Variants in TASOR2 observed in about 807,000 individuals in gnomAD.
The protein encoded by TASOR2 is transcription activation suppressor family member 2, also known as protein TASOR 2.
TASOR2 carries 84 observed loss-of-function variants against 199.5 expected under a neutral mutation model. The observed-to-expected ratio is 0.42, with a 90% confidence interval of 0.35 to 0.50. TASOR2 has a LOEUF of 0.50. Ranked by LOEUF, TASOR2 falls within the 20% of genes least tolerant of loss-of-function variation. TASOR2 has a pLI of 0.02. For missense variants in TASOR2, 2,796 were observed against 2,835.9 expected, an observed-to-expected ratio of 0.99 and a Z score of 0.32; for synonymous variants, 1,103 against 1,046.6, an observed-to-expected ratio of 1.05 and a Z score of -1.04.
At chr10:5,759,125 T>C (rs959080723) in intron 18 of TASOR2, 133 bp downstream of exon 19, 1 of 638,968 alleles carries the variant, frequency 1.6e-6, no homozygotes, top group African/African-American at 1.8e-5. Flanking sequence ...GGCTGCTGGC[T>C]CTGTATTCAA....
At chr10:5,709,530 C>T in intron 1 of TASOR2, 5 of 1,230,088 alleles carry the variant, frequency 4.1e-6, no homozygotes, top group Non-Finnish European at 5.1e-6. Context: ...TTCATTTTAG[C>T]ATTTATGACA....
At chr10:5,728,648 T>C (rs1407668010) in intron 10 of TASOR2, among the ~76,000 whole-genome samples, 1 of 152,108 alleles carries the variant, frequency 6.6e-6, no homozygotes, top group Non-Finnish European at 1.5e-5. Flanking sequence ...TTCAGTTACT[T>C]GAAGCAGAAC....
intron 1 of TASOR2, among the ~76,000 whole-genome samples, chr10:5,700,865 T>C (rs1037303311): frequency 1.3e-5 from 2 of 152,082 alleles, no homozygotes; most frequent in African/African-American, 2.4e-5. Context: ...TTGAGCTCCT[T>C]ATATATTCTG....
intron 2 of TASOR2, among the ~76,000 whole-genome samples, chr10:5,715,848 G>T (rs1832559548): frequency 6.6e-6 from 1 of 152,052 alleles, no homozygotes; most frequent in African/African-American, 2.4e-5. Flanking sequence ...TCACCATGTT[G>T]GCCAGGATGG....
intron 1 of TASOR2, among the ~76,000 whole-genome samples, chr10:5,686,264 T>C (rs538388556): frequency 6.6e-6 from 1 of 152,344 alleles, no homozygotes; most frequent in Non-Finnish European, 1.5e-5. Flanking sequence ...CTAATTTTTT[T>C]AAAGGGAGAT....
intron 1 of TASOR2, among the ~76,000 whole-genome samples, chr10:5,705,484 CTT>C (rs1838458515): frequency 6.6e-6 from 1 of 152,138 alleles, no homozygotes; most frequent in South Asian, 2.1e-4. Context: ...GTTTTATTCT[CTT>C]GGGTAAATAT....
At chr10:5,700,706 C>T (rs934464981) in intron 1 of TASOR2, among the ~76,000 whole-genome samples, 1 of 151,984 alleles carries the variant, frequency 6.6e-6, no homozygotes, top group East Asian at 1.9e-4. Context: ...TTTTCATACA[C>T]CTCTTGGCCA....
intron 1 of TASOR2, among the ~76,000 whole-genome samples, chr10:5,700,319 T>C (rs73610574): frequency 0.041 from 6,258 of 152,254 alleles, 172 homozygotes; most frequent in African/African-American, 0.078. Context: ...TACTACATTT[T>C]CTTTATTCAT....
chr10:5,747,833 A>G (rs1422851989), exon 15 of TASOR2: 30 of 1,613,760 alleles, frequency 1.9e-5, no homozygotes, highest in Admixed American at 3.3e-5. Flanking sequence ...ACCCAGGTAC[A>G]ACAAATGCAG....
chr10:5,728,223 A>C (rs77652107), intron 10 of TASOR2, among the ~76,000 whole-genome samples: 1 of 35,398 alleles, frequency 2.8e-5, no homozygotes, highest in African/African-American at 7.2e-5. Context: ...CCTGTTTCAA[A>C]AAAAAAAAAA....
intron 1 of TASOR2, chr10:5,709,575 G>T: frequency 8.1e-7 from 1 of 1,230,660 alleles, no homozygotes; most frequent in Non-Finnish European, 1.0e-6. Context: ...AGAATTCTGA[G>T]GGTATACTTG....
chr10:5,754,164 G>C lies in TASOR2; in HGVS notation c.6607-2449G>C, dbSNP rs1297688540. Among the ~76,000 whole-genome samples the C allele has an allele frequency of 6.6e-6, 1 of 152,074 alleles. No individual in the cohort carries two copies. Among genetic ancestry groups the C allele is most frequent in the Non-Finnish European group, 1.5e-5 (1 of 68,020 alleles). ...TACTAAAAATAAAAAAATTAGCCGG[G>C]TGTGGCGGCGCGCGCTTGTGGTACT... On this transcript the variant is annotated intron_variant, in intron 15 of 20. Coordinates refer to ENST00000328090, the Ensembl canonical transcript of TASOR2. The surrounding 1 kb of genome is among the most constrained non-coding windows in gnomAD (Gnocchi z 4.3).
chr10:5,732,812 A>T (rs1016883785), intron 11 of TASOR2, among the ~76,000 whole-genome samples: 1 of 152,230 alleles, frequency 6.6e-6, no homozygotes, highest in Admixed American at 6.5e-5. Flanking sequence ...TGTTGGGATT[A>T]CAGGCGTCAG....
chr10:5,756,576 CCCTTTTTT>C, intron 15 of TASOR2, 29 bp from the exon 17 acceptor site: 1 of 1,605,218 alleles, frequency 6.2e-7, no homozygotes, highest in Non-Finnish European at 8.5e-7. Flanking sequence ...TGTGGAAGTA[CCCTTTTTT>C]TAATAATGGC....
intron 14 of TASOR2, 63 bp from the exon 16 acceptor site, chr10:5,746,116 A>G (rs1837154884): frequency 5.4e-6 from 8 of 1,469,926 alleles, no homozygotes; most frequent in African/African-American, 1.4e-5. Flanking sequence ...ACATGTACAT[A>G]TAATCGTATA....
At position 5,720,302 on chromosome 10, in the gene TASOR2, A is replaced by C. The variant is rs1254343385; in HGVS notation, c.-99-242A>C. 5 of 985,366 alleles carry C rather than the reference A, an allele frequency of 5.1e-6. No individual in the cohort carries two copies. The highest frequency in any genetic ancestry group is 6.0e-6 in the Non-Finnish European group (5 of 829,846). 61.0% of individuals were successfully genotyped at this position (985,366 alleles called of 1,614,324 possible). A position where few individuals can be genotyped will look rare whatever the true frequency, so the allele number is the denominator to read the frequency against. ...GTCTGAGAATTATACAACTAACTAT[A>C]CTAAGCCATCTTCTGGCTATGATTG... On this transcript the variant is annotated intron_variant, in intron 3 of 20. Transcript: ENST00000328090. The surrounding 1 kb of genome is among the most constrained non-coding windows in gnomAD (Gnocchi z 5.3).
In TASOR2 at chr10:5,737,025, T is replaced by C. The variant is rs1835707072; in HGVS notation, c.1447+1479T>C. 6.6e-6 allele frequency among the ~76,000 whole-genome samples: 1 copy of C among 152,218 alleles called. No individual in the cohort carries two copies. The highest frequency in any genetic ancestry group is 6.5e-5 in the Admixed American group (1 of 15,288). On this transcript the variant is annotated intron_variant, in intron 12 of 20. Coordinates refer to ENST00000328090, the Ensembl canonical transcript of TASOR2. This position sits in a 1 kb window ranked among gnomAD's most constrained non-coding sequence, Gnocchi z 4.9. ...ACCAGGCTGGAGTGCAGTAGCACGATCTCGGCTCACTGCAACCTCTGCCTC... is the reference window on the plus strand; with the variant it reads ...ACCAGGCTGGAGTGCAGTAGCACGACCTCGGCTCACTGCAACCTCTGCCTC...
chr10:5,695,300 A>G (rs911011983), intron 1 of TASOR2, among the ~76,000 whole-genome samples: 1 of 152,248 alleles, frequency 6.6e-6, no homozygotes, highest in Non-Finnish European at 1.5e-5. Flanking sequence ...AACTACACAT[A>G]TGTAATTATA....
intron 6 of TASOR2, 77 bp from the exon 8 acceptor site, chr10:5,723,600 T>C: frequency 1.2e-6 from 1 of 860,742 alleles, no homozygotes; most frequent in Non-Finnish European, 1.7e-6. Context: ...TTTACATTTA[T>C]ATTAGAAAAC....
Sources: gnomAD v4.1 joint callset for allele counts (sites outside exome capture counted in the v4.1 genomes callset) on GRCh38, gnomAD v4.1.1 for gene constraint, Gnocchi (gnomAD v3.1) non-coding constraint, MANE v1.5 for transcripts, NCBI Gene and HGNC (gene_info 2026-07-23, HGNC 2026-07-21) for gene names.